The following SMC6 variants were observed in gnomAD, a reference collection of about 807,000 sequenced individuals.
The protein encoded by SMC6 is structural maintenance of chromosomes 6, also known as structural maintenance of chromosomes protein 6.
A neutral mutation model predicts 142.2 loss-of-function variants in SMC6; 79 were observed. The ratio of observed to expected loss-of-function variants is 0.56; its 90% CI spans 0.46 to 0.67. The LOEUF (loss-of-function observed/expected upper bound fraction) is 0.67. Among genes scored for constraint, SMC6 ranks in the 30% least tolerant of loss-of-function variants. The pLI, the probability that SMC6 is intolerant of heterozygous loss-of-function variation, is 0.00. For missense variants in SMC6, 1,072 were observed against 1,284.0 expected (o/e 0.83, Z 2.52); for synonymous variants, 411 against 412.4 (o/e 1.00, Z 0.04).
chr2:17,706,222 A>G (rs1018440491), intron 18 of SMC6, among the ~76,000 whole-genome samples: 1 of 152,168 alleles, frequency 6.6e-6, no homozygotes, highest in African/African-American at 2.4e-5. Flanking sequence ...AAAAATTCAC[A>G]GGTAATTTTT....
chr2:17,725,672 C>T (rs1669580292), intron 8 of SMC6, among the ~76,000 whole-genome samples: 1 of 152,188 alleles, frequency 6.6e-6, no homozygotes, highest in African/African-American at 2.4e-5. Flanking sequence ...GCTGAAAAGA[C>T]TGGCATCGTT....
intron 7 of SMC6, among the ~76,000 whole-genome samples, chr2:17,729,244 A>G (rs1332071438): frequency 6.6e-6 from 1 of 152,198 alleles, no homozygotes; most frequent in East Asian, 1.9e-4. Flanking sequence ...GCATATCTCA[A>G]TTTGAGCTAC....
At chr2:17,703,119 A>C in intron 19 of SMC6, 38 bp downstream of exon 19, 1 of 1,248,044 alleles carries the variant, frequency 8.0e-7, no homozygotes. Flanking sequence ...AGTAAGTTGA[A>C]AAAAACAAAA....
chr2:17,714,860 C>T lies in SMC6; in HGVS notation c.1730+1G>A. On this transcript the variant is annotated splice_donor_variant, in intron 16 of 27. Coordinates refer to ENST00000448223, the MANE Select transcript of SMC6 (RefSeq NM_001142286.2). LOFTEE classifies it high-confidence loss of function. ...AACATATTCAATTACTAATGCCTTA[C>T]CTGTGTCTTACATCATATATCTCAT... 6.2e-7 allele frequency: 1 copy of T among 1,611,158 alleles called. No individual in the cohort carries two copies. The highest frequency in any genetic ancestry group is 8.5e-7 in the Non-Finnish European group (1 of 1,179,252).
intron 16 of SMC6, among the ~76,000 whole-genome samples, chr2:17,714,297 T>C (rs1668973596): frequency 6.6e-6 from 1 of 152,028 alleles, no homozygotes; most frequent in African/African-American, 2.4e-5. Flanking sequence ...TCTCCCCAAG[T>C]TGCCCAGGCT....
At chr2:17,692,154 C>T (rs2124898862) in intron 23 of SMC6, among the ~76,000 whole-genome samples, 1 of 152,222 alleles carries the variant, frequency 6.6e-6, no homozygotes, top group African/African-American at 2.4e-5. Context: ...AGATTCACTG[C>T]CATCCCCATC....
intron 23 of SMC6, among the ~76,000 whole-genome samples, chr2:17,690,701 A>G (rs1462933270): frequency 6.6e-6 from 1 of 152,152 alleles, no homozygotes; most frequent in Non-Finnish European, 1.5e-5. Flanking sequence ...AATAGACAAA[A>G]AAGTACATGA....
chr2:17,673,304 AAT>A (rs2103481089), intron 25 of SMC6, among the ~76,000 whole-genome samples: 1 of 152,228 alleles, frequency 6.6e-6, no homozygotes, highest in South Asian at 2.1e-4. Flanking sequence ...ATGCATCACA[AAT>A]ATCTTTTCCT....
rs777201995 is a variant in SMC6, at chr2:17,700,297, G to A, written c.2305C>T (p.Leu769Phe). Reference sequence around the variant, plus strand: ...TCTGCTTCTATTTTCAGACTTTTAAGATGCTCCATATTTTCTTTTTGTTGC... The same window carrying A: ...TCTGCTTCTATTTTCAGACTTTTAAAATGCTCCATATTTTCTTTTTGTTGC... The part of the protein sequence containing the change: ...MEQQKENMEH[L>F]KSLKIEAENK... The change falls in exon 21 of 28, where the codon CTT (leucine) becomes TTT (phenylalanine). Residue 769 changes from leucine (L) to phenylalanine (F), a missense_variant. By Grantham distance (22) the Leu-to-Phe change is conservative. Transcript: ENST00000448223. 6.2e-5 allele frequency: 100 copies of A among 1,611,148 alleles called. No homozygotes were observed. Among genetic ancestry groups the A allele is most frequent in the Non-Finnish European group, 2.5e-6 (3 of 1,178,678 alleles).
At chr2:17,704,819 G>A (rs182853108) in intron 18 of SMC6, among the ~76,000 whole-genome samples, 235 of 152,262 alleles carry the variant, frequency 1.5e-3, no homozygotes, top group African/African-American at 5.4e-3. Flanking sequence ...TAAAAATGTG[G>A]AAAGGAAGAG....
intron 15 of SMC6, among the ~76,000 whole-genome samples, chr2:17,715,623 A>T (rs905601717): frequency 4.2e-4 from 64 of 152,296 alleles, no homozygotes; most frequent in Non-Finnish European, 3.5e-4. Flanking sequence ...ACTAAAAAAA[A>T]TTTTTTAAGT....
intron 25 of SMC6, among the ~76,000 whole-genome samples, chr2:17,672,932 A>AT (rs899222027): frequency 6.6e-6 from 1 of 152,086 alleles, no homozygotes; most frequent in African/African-American, 2.4e-5. Flanking sequence ...ATAAGCACTA[A>AT]TTTTTTCTTG....
chr2:17,737,919 T>C lies in SMC6; in HGVS notation c.344+302A>G, dbSNP rs374145845. Among the ~76,000 whole-genome samples, 32 of 152,296 alleles carry C rather than the reference T, an allele frequency of 2.1e-4. 1 individual carries two copies. The South Asian group carries it at 4.8e-3, about 23-fold the overall frequency. ...AATAGTCAGGAATTAGCAAGGTTTA[T>C]AAACACTTGTTAAACAGGGTACATA... On this transcript the variant is annotated intron_variant, in intron 5 of 27. Coordinates refer to ENST00000448223, the MANE Select transcript of SMC6 (RefSeq NM_001142286.2).
chr2:17,673,525 G>C (rs946519264), intron 25 of SMC6, among the ~76,000 whole-genome samples: 2 of 151,144 alleles, frequency 1.3e-5, no homozygotes, highest in Admixed American at 6.6e-5. Flanking sequence ...AAAGTTAGGG[G>C]GTCAAACTTT....
At chr2:17,725,722 A>G (rs997018800) in intron 8 of SMC6, among the ~76,000 whole-genome samples, 1 of 152,224 alleles carries the variant, frequency 6.6e-6, no homozygotes, top group African/African-American at 2.4e-5. Context: ...AAGAAATACC[A>G]AAACTCACTC....
At chr2:17,750,679 C>A (rs1384553715) in intron 2 of SMC6, among the ~76,000 whole-genome samples, 1 of 152,040 alleles carries the variant, frequency 6.6e-6, no homozygotes, top group Non-Finnish European at 1.5e-5. Flanking sequence ...TCCTTCATCT[C>A]GTCTATCCTT....
At chr2:17,726,086 T>TAAAAAAAAA (rs1669604779) in intron 8 of SMC6, among the ~76,000 whole-genome samples, 1 of 37,186 alleles carries the variant, frequency 2.7e-5, no homozygotes, top group African/African-American at 2.0e-4. Context: ...AGGCTCTGTC[T>TAAAAAAAAA]TAAAAAAAAA....
intron 5 of SMC6, among the ~76,000 whole-genome samples, chr2:17,734,082 CAG>C (rs1276528364): frequency 1.3e-5 from 2 of 152,008 alleles, no homozygotes; most frequent in Admixed American, 1.3e-4. Context: ...GGGAGGTGCA[CAG>C]AGGAGAGTTG....
intron 25 of SMC6, among the ~76,000 whole-genome samples, chr2:17,677,030 C>CT (rs139703980): frequency 0.018 from 2,758 of 152,132 alleles, 54 homozygotes; most frequent in African/African-American, 0.047. Flanking sequence ...ATATACATGC[C>CT]TTTAGTTCTT....
Sources: allele counts gnomAD v4.1 joint callset (sites outside exome capture counted in the v4.1 genomes callset), GRCh38; gene constraint gnomAD v4.1.1; transcripts MANE v1.5; gene names NCBI Gene and HGNC (gene_info 2026-07-23, HGNC 2026-07-21).